The following NTAN1 variants were observed in gnomAD, a reference collection of about 807,000 sequenced individuals.
NTAN1 encodes protein N-terminal asparagine amidohydrolase.
In NTAN1, 32 loss-of-function variants were observed where a neutral mutation model predicts 41.9. The observed-to-expected ratio is 0.76, with a 90% CI of 0.58 to 1.03. The LOEUF (loss-of-function observed/expected upper bound fraction) is 1.03, where lower values mean the gene tolerates loss of function less well. Ranked by LOEUF, NTAN1 falls within the 50% of genes least tolerant of loss-of-function variation. The pLI is 0.00. For synonymous variants in NTAN1, 140 were observed against 139.5 expected, an observed-to-expected ratio of 1.00 and a Z score of -0.03; for missense variants, 377 against 377.5, an observed-to-expected ratio of 1.00 and a Z score of 0.01.
intron 1 of NTAN1, among the ~76,000 whole-genome samples, chr16:15,053,803 T>A (rs1188826789): frequency 6.6e-6 from 1 of 152,066 alleles, no homozygotes; most frequent in African/African-American, 2.4e-5. Context: ...CCCAGCTACT[T>A]GGGAGGCTGA....
At chr16:15,040,204 C>T in intron 7 of NTAN1, 138 bp from the exon 8 acceptor site, 1 of 466,378 alleles carries the variant, frequency 2.1e-6, no homozygotes, top group Non-Finnish European at 3.8e-6. Context: ...TGGACTTCCC[C>T]CTCCCTGGAG....
At chr16:15,052,698 G>A (rs1233591262) in intron 1 of NTAN1, among the ~76,000 whole-genome samples, 1 of 152,258 alleles carries the variant, frequency 6.6e-6, no homozygotes, top group East Asian at 1.9e-4. Flanking sequence ...GCCGGGCATG[G>A]TGGCAGATGT....
In NTAN1 at chr16:15,038,097, A is replaced by T; in HGVS notation, c.867T>A (p.Asn289Lys). Residue 289 changes from asparagine (N) to lysine (K), a missense_variant, in exon 10 of 10, where the codon AAT becomes AAA. By Grantham distance (94) the Asn-to-Lys change is moderately conservative (BLOSUM62 0). Coordinates refer to ENST00000287706, the MANE Select transcript of NTAN1 (RefSeq NM_173474.4). ...PSPAHTLFSGNKALLYKKNED... is the reference protein window; with the variant it reads ...PSPAHTLFSGKKALLYKKNED... The stretch of plus-strand genomic sequence containing the variant: ...CATTTTTTTTGTAGAGTAGGGCTTT[A>T]TTTCCAGAAAACAGTGTGTGAGCTG... 1 of 1,612,960 alleles carries T rather than the reference A, an allele frequency of 6.2e-7. No individual in the cohort carries two copies. The highest frequency in any genetic ancestry group is 1.1e-5 in the South Asian group (1 of 91,030).
chr16:15,048,185 C>G, intron 1 of NTAN1, 86 bp from the exon 2 acceptor site: 1 of 898,770 alleles, frequency 1.1e-6, no homozygotes, highest in East Asian at 2.6e-5. Flanking sequence ...AAAGTGGGCT[C>G]TGCGTGGGCA....
At chr16:15,043,877 G>A (rs149498293) in intron 5 of NTAN1, among the ~76,000 whole-genome samples, 97 of 152,154 alleles carry the variant, frequency 6.4e-4, no homozygotes, top group African/African-American at 2.2e-3. Context: ...GAACCCAGGA[G>A]GCAGAGCTTG....
At chr16:15,040,875 T>C (rs1285138258) in intron 7 of NTAN1, among the ~76,000 whole-genome samples, 193 bp downstream of exon 7, 1 of 152,170 alleles carries the variant, frequency 6.6e-6, no homozygotes, top group Non-Finnish European at 1.5e-5. Flanking sequence ...GTGAATGTTA[T>C]CTCAGTTTTA....
chr16:15,049,846 AAG>A, intron 1 of NTAN1, among the ~76,000 whole-genome samples: 1 of 152,240 alleles, frequency 6.6e-6, no homozygotes, highest in Non-Finnish European at 1.5e-5. Context: ...CTATGGGAAA[AAG>A]AGTTTTGAAA....
In NTAN1 at chr16:15,046,623, C is replaced by T. The variant is rs1174264102; in HGVS notation, c.359+819G>A. Among the ~76,000 whole-genome samples the T allele has an allele frequency of 2.0e-5, 3 of 151,404 alleles. No homozygotes were observed. The East Asian group carries it at 5.8e-4, about 29-fold the overall frequency. Reference sequence around the variant, plus strand: ...ATCTGCTGGAATTTAAAACTATACCCCTCAGCTGGGAGGATCACTTGAGCC... The same window carrying T: ...ATCTGCTGGAATTTAAAACTATACCTCTCAGCTGGGAGGATCACTTGAGCC... On this transcript the variant is annotated intron_variant, in intron 4 of 9. Transcript: ENST00000287706.
In NTAN1 at chr16:15,041,765, G is replaced by A. The variant is rs1039732815; in HGVS notation, c.434-89C>T. 3.7e-5 allele frequency: 34 copies of A among 928,304 alleles called. No individual in the cohort carries two copies. In the African/African-American group the frequency reaches 3.7e-4, roughly 10 times the overall value. 57.5% of individuals were successfully genotyped at this position (928,304 alleles called of 1,614,324 possible). On this transcript the variant is annotated intron_variant, in intron 5 of 9. Coordinates refer to ENST00000287706, the MANE Select transcript of NTAN1 (RefSeq NM_173474.4). The stretch of plus-strand genomic sequence containing the variant: ...GAGCAAGCCAACGACAGGGAGGGAC[G>A]GCAGCCAACTGAGTGTGCTCCGCCC...
chr16:15,048,774 C>T (rs1287410431), intron 1 of NTAN1, among the ~76,000 whole-genome samples: 1 of 152,080 alleles, frequency 6.6e-6, no homozygotes, highest in Non-Finnish European at 1.5e-5. Flanking sequence ...CAGGCTTGCA[C>T]CACCACACCT....
chr16:15,043,399 C>G (rs1332603748), intron 5 of NTAN1, among the ~76,000 whole-genome samples: 1 of 152,210 alleles, frequency 6.6e-6, no homozygotes, highest in East Asian at 1.9e-4. Flanking sequence ...TAAAAATCAG[C>G]TGGGCATGGT....
chr16:15,042,423 A>G (rs948923355), intron 5 of NTAN1, among the ~76,000 whole-genome samples: 1 of 152,016 alleles, frequency 6.6e-6, no homozygotes, highest in African/African-American at 2.4e-5. Flanking sequence ...CTCGTGACCT[A>G]AAGTGATCCA....
chr16:15,055,288 A>G (rs1161967174), intron 1 of NTAN1, among the ~76,000 whole-genome samples: 2 of 152,144 alleles, frequency 1.3e-5, no homozygotes, highest in East Asian at 3.9e-4. Context: ...AACAAAAACA[A>G]AACCCGTGCA....
chr16:15,039,623 G>A (rs1297450518), intron 8 of NTAN1, among the ~76,000 whole-genome samples: 5 of 152,144 alleles, frequency 3.3e-5, no homozygotes, highest in Admixed American at 2.6e-4. Flanking sequence ...GAGTGCAGAG[G>A]GGAGAAACCT....
At chr16:15,039,924 GC>G in intron 8 of NTAN1, 44 bp downstream of exon 8, 1 of 1,036,764 alleles carries the variant, frequency 9.6e-7, no homozygotes, top group Non-Finnish European at 1.5e-6. Flanking sequence ...GACATTTGAT[GC>G]CTTTTTTTTT....
intron 8 of NTAN1, among the ~76,000 whole-genome samples, chr16:15,038,903 C>T (rs1435943406): frequency 1.3e-5 from 2 of 152,234 alleles, no homozygotes; most frequent in East Asian, 3.8e-4. Context: ...GCGCCAACAG[C>T]AGTCCCACAG....
At chr16:15,048,248 G>A (rs1047212487) in intron 1 of NTAN1, 149 bp from the exon 2 acceptor site, 24 of 614,268 alleles carry the variant, frequency 3.9e-5, no homozygotes, top group Middle Eastern at 4.3e-4. Flanking sequence ...CAAAGAAAAA[G>A]GCAGCAGCCA....
chr16:15,043,584 A>C (rs534767181), intron 5 of NTAN1, among the ~76,000 whole-genome samples: 1 of 152,212 alleles, frequency 6.6e-6, no homozygotes, highest in South Asian at 2.1e-4. Flanking sequence ...CCATCATATG[A>C]GTAAGCTTGC....
chr16:15,043,089 G>A (rs1470301507), intron 5 of NTAN1, among the ~76,000 whole-genome samples: 1 of 151,974 alleles, frequency 6.6e-6, no homozygotes, highest in Non-Finnish European at 1.5e-5. Flanking sequence ...TAGTAGAGAC[G>A]GGGTTTCTCC....
Sources: allele counts gnomAD v4.1 joint callset (sites outside exome capture counted in the v4.1 genomes callset), GRCh38; gene constraint gnomAD v4.1.1; transcripts MANE v1.5; gene names NCBI Gene and HGNC (gene_info 2026-07-23, HGNC 2026-07-21).